FRMPD2: variants seen among roughly 807,000 people sequenced by gnomAD.
FRMPD2 encodes FERM and PDZ domain containing 2.
Under a neutral mutation model 140.1 loss-of-function variants are expected in FRMPD2, and 96 were observed. That is an observed-to-expected ratio of 0.69 (90% CI 0.58 to 0.81). The LOEUF (loss-of-function observed/expected upper bound fraction) is 0.81. FRMPD2 is among the 40% of genes least tolerant of loss of function. The pLI, the probability that FRMPD2 is intolerant of heterozygous loss-of-function variation, is 0.00. For synonymous variants in FRMPD2, 449 were observed against 547.6 expected, an observed-to-expected ratio of 0.82 and a Z score of 2.52; for missense variants, 1,240 against 1,447.4, an observed-to-expected ratio of 0.86 and a Z score of 2.32.
chr10:48,269,300 A>G (rs1356928169), intron 1 of FRMPD2, among the ~76,000 whole-genome samples: 1 of 152,246 alleles, frequency 6.6e-6, no homozygotes, highest in Non-Finnish European at 1.5e-5. Flanking sequence ...AGAGCCATCT[A>G]TCAAAATTGA....
chr10:48,187,180 C>A lies in FRMPD2; in HGVS notation c.2266+12G>T, dbSNP rs964593429. 22 of 1,605,600 alleles carry A rather than the reference C, an allele frequency of 1.4e-5. No individual in the cohort carries two copies. Among genetic ancestry groups the A allele is most frequent in the Admixed American group, 3.3e-5 (2 of 59,826 alleles). Reference sequence around the variant, plus strand: ...TCCTCCACCCAAGACCTGGTCGTGGCCTGGCCCATACCTGCATGCATGCTC... The same window carrying A: ...TCCTCCACCCAAGACCTGGTCGTGGACTGGCCCATACCTGCATGCATGCTC... On this transcript the variant is annotated intron_variant, in intron 17 of 28. Coordinates refer to ENST00000374201, the MANE Select transcript of FRMPD2 (RefSeq NM_001018071.4).
chr10:48,243,237 T>C (rs1167146771), intron 4 of FRMPD2, among the ~76,000 whole-genome samples: 1 of 152,068 alleles, frequency 6.6e-6, no homozygotes, highest in Non-Finnish European at 1.5e-5. Flanking sequence ...ACAAAGACCA[T>C]AGAGGATGAC....
At chr10:48,240,614 A>T in intron 5 of FRMPD2, 122 bp from the exon 6 acceptor site, 1 of 1,357,522 alleles carries the variant, frequency 7.4e-7, no homozygotes, top group Non-Finnish European at 1.0e-6. Flanking sequence ...ACGGTGACCT[A>T]AAGATGTGTT....
chr10:48,224,694 C>A (rs1487317924), intron 10 of FRMPD2, among the ~76,000 whole-genome samples: 1 of 152,172 alleles, frequency 6.6e-6, no homozygotes, highest in Non-Finnish European at 1.5e-5. Flanking sequence ...GTGATTTCCC[C>A]AAGATGACCC....
chr10:48,211,897 T>C (rs1400791286), intron 13 of FRMPD2, 57 bp downstream of exon 13: 13 of 1,547,704 alleles, frequency 8.4e-6, no homozygotes, highest in African/African-American at 6.8e-5. Flanking sequence ...CTGGAGGGGA[T>C]TGCTGGCTGC....
chr10:48,176,074 G>T (rs1171923704), intron 22 of FRMPD2, 135 bp from the exon 23 acceptor site: 2 of 653,066 alleles, frequency 3.1e-6, no homozygotes, highest in Non-Finnish European at 5.7e-6. Context: ...ACTGTCTTCT[G>T]TATTCACCTG....
chr10:48,175,347 G>A (rs1380492431), intron 23 of FRMPD2, among the ~76,000 whole-genome samples: 2 of 151,988 alleles, frequency 1.3e-5, no homozygotes, highest in Admixed American at 6.6e-5. Flanking sequence ...GTTGACGCTG[G>A]GGACACCAGA....
At chr10:48,190,915 C>T (rs1265674198) in intron 16 of FRMPD2, among the ~76,000 whole-genome samples, 1 of 152,202 alleles carries the variant, frequency 6.6e-6, no homozygotes, top group African/African-American at 2.4e-5. Flanking sequence ...TTGAGTCAGT[C>T]ATGGCTTCTT....
At chr10:48,274,437 C>T (rs1840819770) in intron 1 of FRMPD2, 106 bp downstream of exon 1, 1 of 983,588 alleles carries the variant, frequency 1.0e-6, no homozygotes, top group African/African-American at 1.6e-5. Flanking sequence ...GACACAGGTC[C>T]TTGCCCAGCT....
At chr10:48,234,409 C>T (rs895393066) in intron 9 of FRMPD2, among the ~76,000 whole-genome samples, 10 of 152,162 alleles carry the variant, frequency 6.6e-5, no homozygotes, top group African/African-American at 2.4e-4. Flanking sequence ...GCCTAGTTGC[C>T]AGTGTTTCCC....
intron 1 of FRMPD2, 27 bp from the exon 2 acceptor site, chr10:48,251,718 G>A: frequency 6.2e-7 from 1 of 1,613,306 alleles, no homozygotes; most frequent in Non-Finnish European, 8.5e-7. Flanking sequence ...CATGTGACAG[G>A]GCCTCTGCAA....
intron 12 of FRMPD2, among the ~76,000 whole-genome samples, chr10:48,212,591 C>T (rs182810963): frequency 5.4e-4 from 82 of 151,732 alleles, no homozygotes; most frequent in African/African-American, 1.8e-3. Flanking sequence ...TTTTTTAATT[C>T]ATTTAGCATT....
At chr10:48,246,883 C>T (rs1840263154) in intron 3 of FRMPD2, among the ~76,000 whole-genome samples, 1 of 152,212 alleles carries the variant, frequency 6.6e-6, no homozygotes, top group African/African-American at 2.4e-5. Flanking sequence ...TGAAAGAGAT[C>T]AAGTTACCTG....
intron 1 of FRMPD2, among the ~76,000 whole-genome samples, chr10:48,257,365 C>T (rs942268623): frequency 1.3e-5 from 2 of 151,870 alleles, no homozygotes; most frequent in Admixed American, 6.6e-5. Flanking sequence ...CTGCAACCTC[C>T]ACCTCCCAGG....
intron 15 of FRMPD2, among the ~76,000 whole-genome samples, chr10:48,199,434 T>C (rs958283449): frequency 1.3e-5 from 2 of 152,220 alleles, no homozygotes; most frequent in Non-Finnish European, 2.9e-5. Flanking sequence ...CATTTCTCAC[T>C]GTAATTGCTA....
intron 1 of FRMPD2, among the ~76,000 whole-genome samples, chr10:48,267,180 C>T (rs945973205): frequency 1.3e-5 from 2 of 152,124 alleles, no homozygotes; most frequent in African/African-American, 2.4e-5. Context: ...ATATCAAAAA[C>T]CAGGAAAATC....
intron 1 of FRMPD2, among the ~76,000 whole-genome samples, chr10:48,259,502 T>C (rs1840541699): frequency 6.6e-6 from 1 of 152,206 alleles, no homozygotes; most frequent in Admixed American, 6.5e-5. Flanking sequence ...TAAAGTATTA[T>C]GCGCTATTAA....
intron 24 of FRMPD2, among the ~76,000 whole-genome samples, chr10:48,174,517 C>T (rs1838354001): frequency 6.6e-6 from 1 of 151,934 alleles, no homozygotes; most frequent in Non-Finnish European, 1.5e-5. Flanking sequence ...GGCCCATGGA[C>T]ACAGGGCCAG....
At chr10:48,267,793 T>C (rs1196561745) in intron 1 of FRMPD2, among the ~76,000 whole-genome samples, 3 of 152,204 alleles carry the variant, frequency 2.0e-5, no homozygotes, top group Non-Finnish European at 4.4e-5. Flanking sequence ...ATCCATACAA[T>C]GGAACATTAC....
Sources: gnomAD v4.1 joint callset for allele counts (sites outside exome capture counted in the v4.1 genomes callset) on GRCh38, gnomAD v4.1.1 for gene constraint, MANE v1.5 for transcripts, NCBI Gene and HGNC (gene_info 2026-07-23, HGNC 2026-07-21) for gene names.